SUCLG2: variants seen among roughly 807,000 people sequenced by gnomAD.
SUCLG2 encodes the protein succinate--CoA ligase [GDP-forming] subunit beta, mitochondrial.
Under a neutral mutation model 47.9 loss-of-function variants are expected in SUCLG2, and 42 were observed. The ratio of observed to expected loss-of-function variants is 0.88; its 90% CI spans 0.69 to 1.14. The LOEUF (loss-of-function observed/expected upper bound fraction) is 1.14. Ranked by LOEUF, SUCLG2 falls within the 50% of genes most tolerant of loss-of-function variation. The pLI is 0.00. For synonymous variants in SUCLG2, 195 were observed against 197.3 expected, an observed-to-expected ratio of 0.99 and a Z score of 0.10; for missense variants, 571 against 525.9, an observed-to-expected ratio of 1.09 and a Z score of -0.84.
chr3:67,508,891 T>A lies in SUCLG2; in HGVS notation c.673A>T (p.Ile225Phe), dbSNP rs1705713351. The A allele has an allele frequency of 1.2e-6, 2 of 1,610,112 alleles. No individual in the cohort carries two copies. The highest frequency in any genetic ancestry group is 2.7e-5 in the African/African-American group (2 of 74,720). ...GPLKSQAADQ[I>F]TKLYNLFLKI... ...AGGAAGAGATTATACAGCTTCGTAA[T>A]TTGATCTGCAGCCTAAATGTGATCA... Residue 225 changes from isoleucine (I) to phenylalanine (F), a missense_variant, in exon 7 of 11, where the codon ATT becomes TTT. Physicochemically the swap from Ile to Phe is conservative, Grantham distance 21. Coordinates refer to ENST00000307227, the MANE Select transcript of SUCLG2 (RefSeq NM_003848.4).
chr3:67,425,006 T>G (rs1244352134), intron 9 of SUCLG2, among the ~76,000 whole-genome samples: 2 of 152,140 alleles, frequency 1.3e-5, no homozygotes, highest in African/African-American at 4.8e-5. Context: ...CTACTCAACA[T>G]CTTCCACCCA....
At chr3:67,621,567 G>A (rs1249002666) in intron 1 of SUCLG2, among the ~76,000 whole-genome samples, 1 of 152,134 alleles carries the variant, frequency 6.6e-6, no homozygotes, top group African/African-American at 2.4e-5. Flanking sequence ...AGGTAATTGG[G>A]TTCTGAGAGC....
intron 1 of SUCLG2, among the ~76,000 whole-genome samples, chr3:67,639,843 T>C (rs1260802546): frequency 6.6e-6 from 1 of 152,148 alleles, no homozygotes; most frequent in African/African-American, 2.4e-5. Context: ...CAGGGAACAA[T>C]AAGAAAAGTC....
chr3:67,541,658 A>G lies in SUCLG2; in HGVS notation c.227-12472T>C, dbSNP rs1198116853. ...AGGCCAAAATTCAAATTCAAGAAAT[A>G]CAGAGAACACCACAAAGATACTCCT... On this transcript the variant is annotated intron_variant, in intron 2 of 10. Coordinates refer to ENST00000307227, the MANE Select transcript of SUCLG2 (RefSeq NM_003848.4). 2.0e-5 allele frequency among the ~76,000 whole-genome samples: 3 copies of G among 152,198 alleles called. No individual in the cohort carries two copies. The East Asian group carries it at 5.8e-4, about 29-fold the overall frequency.
At chr3:67,524,994 C>A (rs555810663) in intron 4 of SUCLG2, among the ~76,000 whole-genome samples, 2 of 152,316 alleles carry the variant, frequency 1.3e-5, no homozygotes, top group African/African-American at 2.4e-5. Flanking sequence ...TAACAATGAG[C>A]ATGTTGGACA....
intron 2 of SUCLG2, among the ~76,000 whole-genome samples, chr3:67,542,269 G>A (rs1419298221): frequency 2.0e-5 from 3 of 152,230 alleles, no homozygotes; most frequent in Non-Finnish European, 2.9e-5. Flanking sequence ...CCTTTACAGA[G>A]AAGTAAATGC....
At chr3:67,516,016 C>T (rs937555866) in intron 6 of SUCLG2, among the ~76,000 whole-genome samples, 17 of 152,080 alleles carry the variant, frequency 1.1e-4, no homozygotes, top group African/African-American at 3.9e-4. Flanking sequence ...TGTATCCTCT[C>T]AGCCAGCAGG....
chr3:67,417,653 T>C (rs1373731022), intron 9 of SUCLG2, among the ~76,000 whole-genome samples: 1 of 152,186 alleles, frequency 6.6e-6, no homozygotes, highest in African/African-American at 2.4e-5. Flanking sequence ...AGATTTTACT[T>C]TGTAAGAGTG....
intron 9 of SUCLG2, among the ~76,000 whole-genome samples, chr3:67,466,567 T>A (rs1427733039): frequency 6.6e-6 from 1 of 152,206 alleles, no homozygotes; most frequent in Non-Finnish European, 1.5e-5. Context: ...CTTAATCTGA[T>A]GTTGTGCTAT....
chr3:67,626,933 A>G (rs1700841715), intron 1 of SUCLG2, among the ~76,000 whole-genome samples: 1 of 151,630 alleles, frequency 6.6e-6, no homozygotes, highest in Non-Finnish European at 1.5e-5. Context: ...AAAAAAAAAA[A>G]AAAGCATAAT....
At position 67,595,449 on chromosome 3, in the gene SUCLG2, G is replaced by T. The variant is rs967865285; in HGVS notation, c.226+14006C>A. ...GTCAGCCAGGCCTCAAGCAGGAAAG[G>T]AGTGCCAGGGTGGGAGTCTGCCCAG... On this transcript the variant is annotated intron_variant, in intron 2 of 10. Transcript: ENST00000307227. Among the ~76,000 whole-genome samples the T allele has an allele frequency of 6.6e-5, 10 of 152,144 alleles. 1 individual carries two copies. Among genetic ancestry groups the T allele is most frequent in the Admixed American group, 3.3e-4 (5 of 15,284 alleles).
intron 7 of SUCLG2, among the ~76,000 whole-genome samples, chr3:67,507,558 G>A (rs1417533158): frequency 6.6e-6 from 1 of 151,384 alleles, no homozygotes; most frequent in Non-Finnish European, 1.5e-5. Context: ...CTGAAACTTA[G>A]GCAGGCTAAA....
At chr3:67,554,460 G>T (rs1707103126) in intron 2 of SUCLG2, among the ~76,000 whole-genome samples, 1 of 152,102 alleles carries the variant, frequency 6.6e-6, no homozygotes, top group Non-Finnish European at 1.5e-5. Flanking sequence ...GATTTAGGGA[G>T]ATTTAAATTC....
chr3:67,552,850 C>T (rs1416203585), intron 2 of SUCLG2, among the ~76,000 whole-genome samples: 1 of 152,098 alleles, frequency 6.6e-6, no homozygotes, highest in East Asian at 1.9e-4. Flanking sequence ...TCTGATTTGG[C>T]CCCAAATCAT....
At chr3:67,508,617 A>G (rs1397697664) in intron 7 of SUCLG2, among the ~76,000 whole-genome samples, 190 bp downstream of exon 7, 1 of 152,174 alleles carries the variant, frequency 6.6e-6, no homozygotes, top group East Asian at 1.9e-4. Context: ...GAGGCTTGGC[A>G]TTTGGCTACA....
exon 11 of SUCLG2, chr3:67,360,734 G>A (rs780268252): frequency 6.5e-7 from 1 of 1,529,842 alleles, no homozygotes; most frequent in South Asian, 1.2e-5. Flanking sequence ...CTTGTTTTAT[G>A]TGCATATAAC....
intron 1 of SUCLG2, among the ~76,000 whole-genome samples, chr3:67,643,661 C>G (rs762721359): frequency 5.3e-5 from 8 of 152,150 alleles, no homozygotes; most frequent in Non-Finnish European, 1.2e-4. Context: ...CTGTAATTGC[C>G]CATTTCTCAT....
At chr3:67,581,375 G>T (rs1423224591) in intron 2 of SUCLG2, among the ~76,000 whole-genome samples, 1 of 152,180 alleles carries the variant, frequency 6.6e-6, no homozygotes, top group Non-Finnish European at 1.5e-5. Flanking sequence ...GCTGTCTTCT[G>T]CCATATTTGT....
At chr3:67,563,872 A>C (rs928877603) in intron 2 of SUCLG2, among the ~76,000 whole-genome samples, 2 of 151,402 alleles carry the variant, frequency 1.3e-5, no homozygotes, top group Admixed American at 6.6e-5. Flanking sequence ...GAGGCAGGAG[A>C]ATGGCGTGAA....
Sources: gnomAD v4.1 joint callset for allele counts (sites outside exome capture counted in the v4.1 genomes callset) on GRCh38, gnomAD v4.1.1 for gene constraint, MANE v1.5 for transcripts, NCBI Gene and HGNC (gene_info 2026-07-23, HGNC 2026-07-21) for gene names.